AAK1: variants seen among roughly 807,000 people sequenced by gnomAD.
AAK1 encodes AP2-associated protein kinase 1.
Under a neutral mutation model 116.0 loss-of-function variants are expected in AAK1, and 37 were observed. The ratio of observed to expected loss-of-function variants is 0.32; its 90% CI spans 0.25 to 0.42. The LOEUF (loss-of-function observed/expected upper bound fraction) is 0.42. Among genes scored for constraint, AAK1 ranks in the 10% least tolerant of loss-of-function variants. AAK1 has a pLI of 1.00. For synonymous variants in AAK1, 458 were observed against 439.9 expected (o/e 1.04, Z -0.51); for missense variants, 919 against 1,170.6 (o/e 0.79, Z 3.14).
intron 2 of AAK1, among the ~76,000 whole-genome samples, chr2:69,621,698 C>T (rs1674635833): frequency 6.6e-6 from 1 of 152,188 alleles, no homozygotes; most frequent in African/African-American, 2.4e-5. Context: ...TGATCATGGC[C>T]AACTACGAAC....
At chr2:69,605,607 G>GGCTGAGGCAGAGACTTAAAAAACAT (rs1673766038) in intron 2 of AAK1, among the ~76,000 whole-genome samples, 1 of 152,122 alleles carries the variant, frequency 6.6e-6, no homozygotes, top group African/African-American at 2.4e-5. Flanking sequence ...ATTCACTCCA[G>GGCTGAGGCAGAGACTTAAAAAACAT]GCTGAGGCAG....
intron 2 of AAK1, chr2:69,598,862 C>T (rs1199855113): frequency 3.7e-6 from 1 of 271,716 alleles, no homozygotes; most frequent in Non-Finnish European, 7.3e-6. Context: ...TGTCTGTCAA[C>T]TCAGATGTGT....
At chr2:69,619,344 C>A (rs550148428) in intron 2 of AAK1, among the ~76,000 whole-genome samples, 21 of 152,264 alleles carry the variant, frequency 1.4e-4, no homozygotes, top group Admixed American at 1.2e-3. Flanking sequence ...ACCCTACCCC[C>A]AAGGCTTCCC....
chr2:69,602,150 G>A (rs1160329290), intron 2 of AAK1, among the ~76,000 whole-genome samples: 1 of 152,194 alleles, frequency 6.6e-6, no homozygotes, highest in Non-Finnish European at 1.5e-5. Flanking sequence ...GAAAGACAAT[G>A]TAAGATTAAG....
At chr2:69,494,338 A>T (rs1675655726) in intron 17 of AAK1, among the ~76,000 whole-genome samples, 1 of 152,136 alleles carries the variant, frequency 6.6e-6, no homozygotes, top group Admixed American at 6.5e-5. Flanking sequence ...CCACAAGCTG[A>T]AGCCGATTTC....
At chr2:69,516,024 A>C (rs1194086000) in intron 12 of AAK1, among the ~76,000 whole-genome samples, 1 of 152,200 alleles carries the variant, frequency 6.6e-6, no homozygotes, top group Non-Finnish European at 1.5e-5. Flanking sequence ...GTGGGGATGG[A>C]CTTTTGCAGA....
At chr2:69,638,399 A>G (rs1457281936) in intron 2 of AAK1, among the ~76,000 whole-genome samples, 2 of 152,154 alleles carry the variant, frequency 1.3e-5, no homozygotes, top group Non-Finnish European at 2.9e-5. Context: ...CTCTTTCCCC[A>G]GACACTCGCT....
chr2:69,622,316 C>G (rs570082925), intron 2 of AAK1, among the ~76,000 whole-genome samples: 2 of 152,208 alleles, frequency 1.3e-5, no homozygotes, highest in African/African-American at 2.4e-5. Context: ...GCCTTCCCCC[C>G]TCCCCCGCCC....
intron 2 of AAK1, among the ~76,000 whole-genome samples, chr2:69,579,369 G>A (rs1257107438): frequency 2.6e-5 from 4 of 152,094 alleles, no homozygotes; most frequent in East Asian, 3.9e-4. Context: ...TGCTTGAGCC[G>A]AGGGGTTGAG....
intron 2 of AAK1, among the ~76,000 whole-genome samples, chr2:69,567,379 A>C (rs1376666520): frequency 6.6e-6 from 1 of 152,184 alleles, no homozygotes; most frequent in African/African-American, 2.4e-5. Flanking sequence ...ATAATTAAAT[A>C]CTTATAGGGT....
intron 5 of AAK1, 140 bp from the exon 6 acceptor site, chr2:69,532,302 T>C (rs1670292324): frequency 1.9e-6 from 2 of 1,026,796 alleles, no homozygotes; most frequent in African/African-American, 1.6e-5. Flanking sequence ...CCTCTCCAAG[T>C]ATCTCAACAG....
At chr2:69,631,424 TATA>T (rs1157190139) in intron 2 of AAK1, among the ~76,000 whole-genome samples, 1 of 152,222 alleles carries the variant, frequency 6.6e-6, no homozygotes, top group Non-Finnish European at 1.5e-5. Flanking sequence ...CTTAGCCTTC[TATA>T]ATAATAATAG....
At position 69,468,361 on chromosome 2, in the gene AAK1, G is replaced by A; in HGVS notation, c.*7508C>T. On this transcript the variant is annotated 3_prime_UTR_variant, in exon 22 of 22. Transcript: ENST00000409085. ...AGAAAAATAAGTTTTCCAAAATAAG[G>A]TTTGCAGAGCCTTAAAGAAGGACAA... is the stretch of plus-strand genomic sequence containing the variant. 1 of 985,330 alleles carries A rather than the reference G, an allele frequency of 1.0e-6. No homozygotes were observed. Among genetic ancestry groups the A allele is most frequent in the Non-Finnish European group, 1.2e-6 (1 of 829,898 alleles). 61.0% of individuals were successfully genotyped at this position (985,330 alleles called of 1,614,324 possible).
At chr2:69,534,599 C>T (rs1670387655) in intron 5 of AAK1, among the ~76,000 whole-genome samples, 1 of 152,240 alleles carries the variant, frequency 6.6e-6, no homozygotes, top group African/African-American at 2.4e-5. Flanking sequence ...TCATTCTCCA[C>T]TCCAGTTGTA....
intron 2 of AAK1, among the ~76,000 whole-genome samples, chr2:69,559,439 T>C (rs1260475904): frequency 6.6e-6 from 1 of 152,192 alleles, no homozygotes; most frequent in Non-Finnish European, 1.5e-5. Context: ...AGTTATTAAA[T>C]CCATGATGTT....
Position 69,472,087 on chromosome 2 carries a change from C to T in AAK1, c.*3782G>A. 1.0e-6 allele frequency: 1 copy of T among 984,712 alleles called. No homozygotes were observed. The highest frequency in any genetic ancestry group is 1.2e-6 in the Non-Finnish European group (1 of 829,340). 61.0% of individuals were successfully genotyped at this position (984,712 alleles called of 1,614,324 possible). ...TACCCATATCTTTCAATGTTTTAAA[C>T]CATTCTAAAGACTAAGGAATCACAG... On this transcript the variant is annotated 3_prime_UTR_variant, in exon 22 of 22. Coordinates refer to ENST00000409085, the MANE Select transcript of AAK1 (RefSeq NM_014911.5).
At chr2:69,504,390 T>C in intron 16 of AAK1, among the ~76,000 whole-genome samples, 2 of 95,210 alleles carry the variant, frequency 2.1e-5, no homozygotes, top group African/African-American at 9.2e-5. Context: ...AGAATGAGAC[T>C]CCATCTCAAA....
At chr2:69,481,757 T>C (rs1335791737) in intron 18 of AAK1, 1 of 152,138 alleles carries the variant, frequency 6.6e-6, no homozygotes, top group African/African-American at 2.4e-5. Context: ...GCTTAACCAG[T>C]GGGCAAAATG....
chr2:69,487,965 A>AT (rs1675367509), intron 17 of AAK1, among the ~76,000 whole-genome samples: 1 of 151,554 alleles, frequency 6.6e-6, no homozygotes, highest in South Asian at 2.1e-4. Flanking sequence ...AATTTTTGTT[A>AT]TTTTTATTAG....
Sources: allele counts gnomAD v4.1 joint callset (sites outside exome capture counted in the v4.1 genomes callset), GRCh38; gene constraint gnomAD v4.1.1; transcripts MANE v1.5; gene names NCBI Gene and HGNC (gene_info 2026-07-23, HGNC 2026-07-21).